The following FAM120A variants were observed in gnomAD, a reference collection of about 807,000 sequenced individuals.
FAM120A encodes the protein family with sequence similarity 120 member A.
A neutral mutation model predicts 109.7 loss-of-function variants in FAM120A; 15 were observed. The ratio of observed to expected loss-of-function variants is 0.14; its 90% CI spans 0.09 to 0.21. FAM120A has a LOEUF of 0.21. Ranked by LOEUF, FAM120A falls within the 10% of genes least tolerant of loss-of-function variation. The pLI, the probability that FAM120A is intolerant of heterozygous loss-of-function variation, is 1.00. For missense variants in FAM120A, 899 were observed against 1,439.3 expected (o/e 0.62, Z 6.07); for synonymous variants, 493 against 572.8 (o/e 0.86, Z 1.99).
At chr9:93,548,851 T>TGGCC (rs1303874262) in intron 11 of FAM120A, among the ~76,000 whole-genome samples, 16 of 152,152 alleles carry the variant, frequency 1.1e-4, no homozygotes, top group Non-Finnish European at 2.1e-4. Flanking sequence ...GAGACCAGCC[T>TGGCC]GGCCAACACA....
intron 5 of FAM120A, among the ~76,000 whole-genome samples, chr9:93,504,871 G>C (rs1018927734): frequency 1.3e-5 from 2 of 152,116 alleles, no homozygotes; most frequent in African/African-American, 4.8e-5. Context: ...CCTGGCAGAA[G>C]TGAAAGAACC....
At chr9:93,556,219 A>G (rs1862276347) in intron 12 of FAM120A, among the ~76,000 whole-genome samples, 163 bp from the exon 13 acceptor site, 1 of 152,224 alleles carries the variant, frequency 6.6e-6, no homozygotes, top group Non-Finnish European at 1.5e-5. Context: ...TTCTGTTCAA[A>G]TGAGGCCAGT....
At position 93,556,412 on chromosome 9, in the gene FAM120A, C is replaced by G; in HGVS notation, c.2305C>G (p.Leu769Val). The change falls in exon 13 of 18, where the codon CTA (leucine) becomes GTA (valine). Residue 769 changes from leucine to valine, a missense_variant. This residue lies in a region of FAM120A where 52 missense variants were observed against 49.7 expected (regional missense o/e 1.05). Transcript: ENST00000277165. Reference protein sequence around the residue: ...IENLDPRGIQLSALFMSGVDM... With the variant: ...IENLDPRGIQVSALFMSGVDM... Reference sequence around the variant, plus strand: ...GAACCTAGATCCCCGAGGAATTCAGCTATCAGCTCTCTTCATGAGTGGAGT... The same window carrying G: ...GAACCTAGATCCCCGAGGAATTCAGGTATCAGCTCTCTTCATGAGTGGAGT... 6.2e-7 allele frequency: 1 copy of G among 1,614,220 alleles called. No individual in the cohort carries two copies. The highest frequency in any genetic ancestry group is 8.5e-7 in the Non-Finnish European group (1 of 1,180,024).
intron 5 of FAM120A, among the ~76,000 whole-genome samples, chr9:93,501,166 G>T (rs1291887334): frequency 6.6e-6 from 1 of 152,168 alleles, no homozygotes. Flanking sequence ...GTGCTCCTGT[G>T]GGACAGTCTG....
chr9:93,548,402 C>T (rs1270057008), intron 11 of FAM120A, among the ~76,000 whole-genome samples: 2 of 152,004 alleles, frequency 1.3e-5, no homozygotes, highest in Non-Finnish European at 2.9e-5. Flanking sequence ...TTAAAAGGAA[C>T]CAATAGCTAG....
intron 15 of FAM120A, among the ~76,000 whole-genome samples, chr9:93,560,283 G>A (rs1041175766): frequency 2.0e-5 from 3 of 151,616 alleles, no homozygotes; most frequent in African/African-American, 7.3e-5. Context: ...GACAGAGCGA[G>A]ACCCTGTCTT....
Position 93,452,890 on chromosome 9 carries a change from C to G in FAM120A, c.474+501C>G. The G allele has an allele frequency of 1.4e-6, 2 of 1,444,910 alleles. No individual in the cohort carries two copies. Among genetic ancestry groups the G allele is most frequent in the Middle Eastern group, 2.5e-4 (1 of 4,034 alleles). 89.5% of individuals were successfully genotyped at this position (1,444,910 alleles called of 1,614,324 possible). ...AAATATCAGTGCTGCTGCCGCCGCC[C>G]TTGCCAATGTTGTTAGCCCGGTGAC... is the stretch of plus-strand genomic sequence containing the variant. On this transcript the variant is annotated intron_variant, in intron 1 of 17. Coordinates refer to ENST00000277165, the MANE Select transcript of FAM120A (RefSeq NM_014612.5). The surrounding 1 kb of genome is among the most constrained non-coding windows in gnomAD (Gnocchi z 7.0).
chr9:93,461,097 ATT>A (rs1194814932), intron 1 of FAM120A, among the ~76,000 whole-genome samples: 2 of 152,206 alleles, frequency 1.3e-5, no homozygotes, highest in African/African-American at 4.8e-5. Flanking sequence ...GTCAATCTGC[ATT>A]ATGGAGTTTA....
chr9:93,535,643 T>C (rs10821152), intron 10 of FAM120A, among the ~76,000 whole-genome samples: 42,421 of 152,042 alleles, frequency 0.28, 6,982 homozygotes, highest in East Asian at 0.42. Flanking sequence ...TATAGGGAGC[T>C]GATAAAATTG....
At chr9:93,497,321 T>C in intron 3 of FAM120A, 150 bp from the exon 4 acceptor site, 1 of 1,028,204 alleles carries the variant, frequency 9.7e-7, no homozygotes. Flanking sequence ...TAGGAAAGTC[T>C]TAGGGCCAAG....
chr9:93,466,341 T>C (rs1195164006), intron 1 of FAM120A, among the ~76,000 whole-genome samples: 1 of 152,138 alleles, frequency 6.6e-6, no homozygotes, highest in African/African-American at 2.4e-5. Flanking sequence ...ACTAATTCAT[T>C]TGGGGTTATA....
At chr9:93,466,259 T>C (rs988840562) in intron 1 of FAM120A, among the ~76,000 whole-genome samples, 70 of 152,316 alleles carry the variant, frequency 4.6e-4, no homozygotes, top group African/African-American at 1.7e-3. Flanking sequence ...AGGGAAAATG[T>C]GTCTCTTCCC....
Position 93,452,800 on chromosome 9 carries a change from T to C in FAM120A, c.474+411T>C. On this transcript the variant is annotated intron_variant, in intron 1 of 17. Transcript: ENST00000277165. The surrounding 1 kb of genome is among the most constrained non-coding windows in gnomAD (Gnocchi z 7.0). ...AGCCTGTTCTTTCCCAGCAACAGGT[T>C]CATCTTGGAAGCAGGCAGGATACAG... The C allele has an allele frequency of 6.3e-7, 1 of 1,589,010 alleles. No individual in the cohort carries two copies. The highest frequency in any genetic ancestry group is 8.5e-7 in the Non-Finnish European group (1 of 1,176,026).
intron 3 of FAM120A, among the ~76,000 whole-genome samples, chr9:93,494,359 G>A (rs953840621): frequency 3.3e-5 from 5 of 152,216 alleles, no homozygotes; most frequent in African/African-American, 1.2e-4. Context: ...TAGCCCGGAT[G>A]CTATGGGACC....
chr9:93,458,526 C>A (rs1564304371), intron 1 of FAM120A, among the ~76,000 whole-genome samples: 1 of 152,108 alleles, frequency 6.6e-6, no homozygotes, highest in Non-Finnish European at 1.5e-5. Context: ...CTGTTATACT[C>A]TTCCTTTTTT....
intron 7 of FAM120A, among the ~76,000 whole-genome samples, chr9:93,524,693 G>A (rs536493785): frequency 6.6e-6 from 1 of 152,322 alleles, no homozygotes; most frequent in African/African-American, 2.4e-5. Context: ...AAGGGTCTGG[G>A]TTTGAATCCA....
At chr9:93,487,578 A>G (rs951679587) in intron 3 of FAM120A, among the ~76,000 whole-genome samples, 1 of 152,256 alleles carries the variant, frequency 6.6e-6, no homozygotes, top group African/African-American at 2.4e-5. Flanking sequence ...ACCTTAAGCA[A>G]AGAGTCAAAC....
At chr9:93,453,118 C>A in intron 1 of FAM120A, 1 of 1,015,468 alleles carries the variant, frequency 9.8e-7, no homozygotes, top group Non-Finnish European at 1.2e-6. Flanking sequence ...TAAGGCAGTT[C>A]GGTTTTGTAG....
intron 3 of FAM120A, among the ~76,000 whole-genome samples, chr9:93,489,687 T>C (rs1423356741): frequency 6.6e-6 from 1 of 152,122 alleles, no homozygotes; most frequent in Non-Finnish European, 1.5e-5. Flanking sequence ...TTCAAATCTT[T>C]ATTTAGGCAA....
Sources: allele counts gnomAD v4.1 joint callset (sites outside exome capture counted in the v4.1 genomes callset), GRCh38; gene constraint gnomAD v4.1.1; regional missense constraint gnomAD v4.1.1; non-coding constraint Gnocchi (gnomAD v3.1); transcripts MANE v1.5; gene names NCBI Gene and HGNC (gene_info 2026-07-23, HGNC 2026-07-21).